Variants in MRE11 observed in about 807,000 individuals in gnomAD.
The protein encoded by MRE11 is double-strand break repair protein MRE11.
MRE11 carries 62 observed loss-of-function variants against 91.7 expected under a neutral mutation model. That is an observed-to-expected ratio of 0.68 (90% CI 0.55 to 0.84). The LOEUF is 0.84. MRE11 is among the 40% of genes least tolerant of loss of function. MRE11 has a pLI of 0.00. For synonymous variants in MRE11, 273 were observed against 271.4 expected (o/e 1.01, Z -0.06); for missense variants, 796 against 852.9 (o/e 0.93, Z 0.83).
In MRE11 at chr11:94,456,353, A is replaced by G. The variant is rs758868170; in HGVS notation, c.1501-15T>C. On this transcript the variant is annotated splice_polypyrimidine_tract_variant and intron_variant, in intron 13 of 19. Transcript: ENST00000323929. ...AAACGACGTACCTAGATCATAACAG[A>G]GTAAATCACAAACATGTTGCCTATT... The G allele has an allele frequency of 5.6e-6, 9 of 1,598,878 alleles. No individual in the cohort carries two copies. The highest frequency in any genetic ancestry group is 5.1e-6 in the Non-Finnish European group (6 of 1,166,574).
intron 12 of MRE11, among the ~76,000 whole-genome samples, chr11:94,460,635 G>A (rs1345070246): frequency 6.6e-6 from 1 of 152,128 alleles, no homozygotes; most frequent in African/African-American, 2.4e-5. Flanking sequence ...ACTTAAGAAT[G>A]TCCCTGATTT....
intron 14 of MRE11, among the ~76,000 whole-genome samples, chr11:94,451,923 C>T (rs1026422686): frequency 1.3e-5 from 2 of 152,040 alleles, no homozygotes; most frequent in Admixed American, 6.6e-5. Flanking sequence ...GACCAATACC[C>T]GGCCAGGCGC....
chr11:94,428,348 A>G (rs532464202), intron 19 of MRE11, among the ~76,000 whole-genome samples: 1 of 152,332 alleles, frequency 6.6e-6, no homozygotes, highest in African/African-American at 2.4e-5. Flanking sequence ...TGTGCAGAAG[A>G]AAATGGATCC....
At chr11:94,500,881 T>G in the MRE11 span, among the ~76,000 whole-genome samples, 2 of 152,206 alleles carry the variant, frequency 1.3e-5, no homozygotes, top group African/African-American at 2.4e-5. Context: ...CCAGAGACTA[T>G]ACTGAGATTT....
rs555161765 is a variant in MRE11 at position 94,421,336 on chromosome 11, T to C, written c.2071-1155A>G. Among the ~76,000 whole-genome samples the C allele has an allele frequency of 3.9e-5, 6 of 152,352 alleles. No individual in the cohort carries two copies. In the South Asian group the frequency reaches 1.0e-3, roughly 26 times the overall value. On this transcript the variant is annotated intron_variant, in intron 19 of 19. Coordinates refer to ENST00000323929, the MANE Select transcript of MRE11 (RefSeq NM_005591.4). ...TCAGCACTTCCAAATGTTAGCTAAATTAACTATCTCTGATGAGTAATGGAT... is the reference window on the plus strand; with the variant it reads ...TCAGCACTTCCAAATGTTAGCTAAACTAACTATCTCTGATGAGTAATGGAT...
At chr11:94,472,032 T>C (rs1264701583) in intron 7 of MRE11, among the ~76,000 whole-genome samples, 1 of 152,038 alleles carries the variant, frequency 6.6e-6, no homozygotes, top group Non-Finnish European at 1.5e-5. Flanking sequence ...AGGTTTTACA[T>C]AGGAAGGATT....
intron 14 of MRE11, among the ~76,000 whole-genome samples, chr11:94,454,258 G>T (rs1174309524): frequency 2.0e-5 from 3 of 151,502 alleles, no homozygotes; most frequent in Non-Finnish European, 2.9e-5. Flanking sequence ...ATTTTTTGTA[G>T]AGATGGGGTT....
intron 7 of MRE11, among the ~76,000 whole-genome samples, chr11:94,474,742 G>C (rs938356907): frequency 3.3e-5 from 5 of 152,048 alleles, no homozygotes; most frequent in African/African-American, 7.2e-5. Flanking sequence ...GATGAGGGGG[G>C]CAATGAGAAA....
Position 94,464,602 on chromosome 11 carries a change from A to G in MRE11, c.1099-363T>C, listed in dbSNP as rs184832460. 2.0e-5 allele frequency among the ~76,000 whole-genome samples: 3 copies of G among 152,336 alleles called. No individual in the cohort carries two copies. In the East Asian group the frequency reaches 5.8e-4, roughly 29 times the overall value. On this transcript the variant is annotated intron_variant, in intron 10 of 19. Transcript: ENST00000323929. ...ACAAACAAACAAACAAACACACACC[A>G]AAATAAAATACTAGCCTTAAATGCA...
Position 94,445,879 on chromosome 11 carries a change from C to G in MRE11, c.1798G>C (p.Glu600Gln), listed in dbSNP as rs145415033. 274 of 1,613,460 alleles carry G rather than the reference C, an allele frequency of 1.7e-4. 1 individual carries two copies. In the African/African-American group the frequency reaches 3.2e-3, roughly 19 times the overall value. Residue 600 changes from glutamate (E) to glutamine (Q), a missense_variant, in exon 16 of 20, where the codon GAG becomes CAG. By Grantham distance (29) the Glu-to-Gln change is conservative. Coordinates refer to ENST00000323929, the MANE Select transcript of MRE11 (RefSeq NM_005591.4). ...GAGTTCCTGCTACGGGTAGAAGTCT[C>G]CAGACCAGTGTCTGCTGTTAGAAAA... Reference protein sequence around the residue: ...SQRGRADTGLETSTRSRNSKT... With the variant: ...SQRGRADTGLQTSTRSRNSKT...
At chr11:94,501,557 G>A in the MRE11 span, among the ~76,000 whole-genome samples, 1 of 151,748 alleles carries the variant, frequency 6.6e-6, no homozygotes, top group African/African-American at 2.4e-5. Context: ...CAAAATACAG[G>A]GTGTATTTTA....
intron 6 of MRE11, among the ~76,000 whole-genome samples, chr11:94,476,948 G>A (rs149387059): frequency 6.6e-6 from 1 of 152,256 alleles, no homozygotes; most frequent in African/African-American, 2.4e-5. Flanking sequence ...TTGAACTCCG[G>A]ACCTCAAGTG....
intron 5 of MRE11, 114 bp downstream of exon 5, chr11:94,479,560 G>A (rs1163315119): frequency 1.3e-5 from 11 of 871,318 alleles, no homozygotes; most frequent in East Asian, 2.6e-5. Flanking sequence ...AAGTCAACTT[G>A]ACTTTTGACT....
chr11:94,434,536 G>A (rs181730915), intron 18 of MRE11, among the ~76,000 whole-genome samples: 1 of 152,204 alleles, frequency 6.6e-6, no homozygotes, highest in East Asian at 1.9e-4. Context: ...GAGAAACACT[G>A]ATATAAGGCT....
At chr11:94,430,550 G>A (rs1165854410) in intron 18 of MRE11, among the ~76,000 whole-genome samples, 2 of 149,750 alleles carry the variant, frequency 1.3e-5, no homozygotes, top group Non-Finnish European at 3.0e-5. Flanking sequence ...GCACCATCTC[G>A]GCTCACTGCA....
intron 19 of MRE11, among the ~76,000 whole-genome samples, chr11:94,423,746 CT>C (rs1262908399): frequency 2.0e-5 from 3 of 152,234 alleles, no homozygotes; most frequent in Non-Finnish European, 2.9e-5. Flanking sequence ...CCCAGCACAG[CT>C]GGTGCCTGAC....
chr11:94,476,398 T>C lies in MRE11; in HGVS notation c.550A>G (p.Ile184Val). ...TKIALYGLGS[I>V]PDERLYRMFV... Reference sequence around the variant, plus strand: ...ATTCGATAGAGCCTTTCATCTGGAATGGATCCTGAAATGGACATTACATTA... The same window carrying C: ...ATTCGATAGAGCCTTTCATCTGGAACGGATCCTGAAATGGACATTACATTA... Residue 184 changes from isoleucine to valine, a missense_variant, in exon 7 of 20, where the codon ATT becomes GTT. Transcript: ENST00000323929. 3 of 1,595,598 alleles carry C rather than the reference T, an allele frequency of 1.9e-6. No homozygotes were observed. The highest frequency in any genetic ancestry group is 2.6e-6 in the Non-Finnish European group (3 of 1,163,628).
At chr11:94,503,504 A>G in the MRE11 span, among the ~76,000 whole-genome samples, 1 of 152,180 alleles carries the variant, frequency 6.6e-6, no homozygotes, top group African/African-American at 2.4e-5. Flanking sequence ...CCTGGCCAAC[A>G]TGGTGAAACC....
rs190210620 is a variant in MRE11, at chr11:94,456,871, C to T, written c.1501-533G>A. Among the ~76,000 whole-genome samples the T allele has an allele frequency of 2.4e-4, 37 of 152,290 alleles. 2 individuals are homozygous for T. In the East Asian group the frequency reaches 6.9e-3, roughly 29 times the overall value. On this transcript the variant is annotated intron_variant, in intron 13 of 19. Coordinates refer to ENST00000323929, the MANE Select transcript of MRE11 (RefSeq NM_005591.4). Reference sequence around the variant, plus strand: ...ACTACAGGTTTCTTTTTTAATGGTTCCTGCTCACAAGGCTCTTATTATACA... The same window carrying T: ...ACTACAGGTTTCTTTTTTAATGGTTTCTGCTCACAAGGCTCTTATTATACA...
Sources: gnomAD v4.1 joint callset for allele counts (sites outside exome capture counted in the v4.1 genomes callset) on GRCh38, gnomAD v4.1.1 for gene constraint, MANE v1.5 for transcripts, NCBI Gene and HGNC (gene_info 2026-07-23, HGNC 2026-07-21) for gene names.